Variants in AFAP1 observed in about 807,000 individuals in gnomAD.
AFAP1 encodes the protein actin filament-associated protein 1.
In AFAP1, 75 loss-of-function variants were observed where a neutral mutation model predicts 93.9. That is an observed-to-expected ratio of 0.80 (90% CI 0.66 to 0.97). The LOEUF is 0.97. AFAP1 is among the 50% of genes least tolerant of loss of function. The probability of loss-of-function intolerance (pLI) is 0.00; values close to 1 mark genes in which losing one functional copy is unlikely to be tolerated. For missense variants in AFAP1, 1,201 were observed against 1,050.8 expected (o/e 1.14, Z -1.98); for synonymous variants, 517 against 430.7 (o/e 1.20, Z -2.48).
intron 4 of AFAP1, among the ~76,000 whole-genome samples, chr4:7,846,374 T>G (rs1713701673): frequency 6.6e-6 from 1 of 152,104 alleles, no homozygotes; most frequent in Non-Finnish European, 1.5e-5. Flanking sequence ...AAGGAAACGA[T>G]GGAATATGGA....
chr4:7,814,099 G>A (rs1396888052), intron 8 of AFAP1, among the ~76,000 whole-genome samples: 4 of 152,126 alleles, frequency 2.6e-5, no homozygotes, highest in African/African-American at 9.7e-5. Flanking sequence ...GCCACAGATT[G>A]GGAGACTATA....
chr4:7,922,813 G>T (rs1240382855), intron 1 of AFAP1, among the ~76,000 whole-genome samples: 1 of 152,112 alleles, frequency 6.6e-6, no homozygotes, highest in African/African-American at 2.4e-5. Context: ...GCAAGACCCT[G>T]TCCTTACAAA....
intron 3 of AFAP1, 119 bp from the exon 4 acceptor site, chr4:7,855,693 A>C: frequency 1.2e-6 from 1 of 810,898 alleles, no homozygotes; most frequent in Non-Finnish European, 2.1e-6. Context: ...TCTTCGGCAA[A>C]AGAGAACCTC....
At chr4:7,816,288 A>G (rs976695629) in intron 7 of AFAP1, among the ~76,000 whole-genome samples, 189 bp from the exon 8 acceptor site, 19 of 152,142 alleles carry the variant, frequency 1.2e-4, no homozygotes, top group Non-Finnish European at 2.6e-4. Context: ...CTTTAAAAAC[A>G]TCCAGAGGGG....
intron 6 of AFAP1, among the ~76,000 whole-genome samples, chr4:7,827,443 C>T (rs887066337): frequency 6.6e-6 from 1 of 151,432 alleles, no homozygotes; most frequent in Non-Finnish European, 1.5e-5. Flanking sequence ...TGGTGGCACA[C>T]GCCTGTAATC....
rs149627968 is a variant in AFAP1, at chr4:7,876,281, T to A, written c.-2-4201A>T. ...GCCAAGGTATCTGCCCATCCTCTCC[T>A]CTGAGAACAGCAGCCTCAACCACAA... is the stretch of plus-strand genomic sequence containing the variant. On this transcript the variant is annotated intron_variant, in intron 1 of 17. Coordinates refer to ENST00000420658, the MANE Select transcript of AFAP1 (RefSeq NM_001134647.2). Among the ~76,000 whole-genome samples the A allele has an allele frequency of 4.4e-4, 67 of 152,304 alleles. 1 individual carries two copies. In the East Asian group the frequency reaches 0.012, roughly 28 times the overall value.
At position 7,856,098 on chromosome 4, in the gene AFAP1, G is replaced by A. The variant is rs78593797; in HGVS notation, c.226-524C>T. On this transcript the variant is annotated intron_variant, in intron 3 of 17. Coordinates refer to ENST00000420658, the MANE Select transcript of AFAP1 (RefSeq NM_001134647.2). ...GGTGAGCCACACTGGCTGAGTGCAC[G>A]AGTGAGGCTTGCCCACATTCTCACC... Among the ~76,000 whole-genome samples the A allele has an allele frequency of 9.4e-3, 1,437 of 152,318 alleles. 29 individuals are homozygous for A. The highest frequency in any genetic ancestry group is 0.03 in the African/African-American group (1,227 of 41,566).
intron 7 of AFAP1, among the ~76,000 whole-genome samples, chr4:7,817,632 T>TA (rs1361085127): frequency 8.0e-6 from 1 of 125,358 alleles, no homozygotes; most frequent in Non-Finnish European, 1.7e-5. Flanking sequence ...ACAAAACAAC[T>TA]AATGGGGGGG....
chr4:7,778,423 C>G (rs902720208), intron 14 of AFAP1: 2 of 393,098 alleles, frequency 5.1e-6, no homozygotes, highest in South Asian at 2.4e-5. Flanking sequence ...GCTTGACAAC[C>G]ACAGATCAGG....
At chr4:7,901,802 C>G (rs1719130832) in intron 1 of AFAP1, among the ~76,000 whole-genome samples, 1 of 152,144 alleles carries the variant, frequency 6.6e-6, no homozygotes, top group Non-Finnish European at 1.5e-5. Context: ...TGAACTCAGA[C>G]ACAATTTTTT....
intron 16 of AFAP1, among the ~76,000 whole-genome samples, chr4:7,770,893 G>A (rs1304199159): frequency 6.6e-6 from 1 of 152,190 alleles, no homozygotes; most frequent in African/African-American, 2.4e-5. Context: ...AGGGCTCCAT[G>A]AAGCAAGGGA....
chr4:7,935,406 A>G (rs1560244749), intron 1 of AFAP1, among the ~76,000 whole-genome samples: 1 of 152,242 alleles, frequency 6.6e-6, no homozygotes, highest in Non-Finnish European at 1.5e-5. Context: ...TTTTATTCAT[A>G]CTTATATCCT....
intron 1 of AFAP1, among the ~76,000 whole-genome samples, chr4:7,898,359 A>T (rs1718908071): frequency 6.6e-6 from 1 of 151,854 alleles, no homozygotes; most frequent in Admixed American, 6.6e-5. Context: ...AGTGAGCCAA[A>T]ATCATGCCAT....
At chr4:7,763,877 G>A in intron 17 of AFAP1, 86 bp from the exon 18 acceptor site, 1 of 1,385,200 alleles carries the variant, frequency 7.2e-7, no homozygotes, top group East Asian at 2.5e-5. Flanking sequence ...TCAACTCAGA[G>A]GGGGTGGGTG....
rs1253459045 is a variant in AFAP1, at chr4:7,793,704, A to G, written c.1389T>C (p.Ile463=). ...ACCAGAAGGTCTGTTTGGCTGTCTGAATGACACTTGCAGACATCTCCACAT... is the reference window on the plus strand; with the variant it reads ...ACCAGAAGGTCTGTTTGGCTGTCTGGATGACACTTGCAGACATCTCCACAT... ...YIDVEMSASV[I]QTAKQTFCFM... is the part of the protein sequence containing the mutation. Residue 463 remains isoleucine (I), a synonymous_variant, in exon 11 of 18, where the codon ATT becomes ATC. Coordinates refer to ENST00000420658, the MANE Select transcript of AFAP1 (RefSeq NM_001134647.2). 1 of 1,557,348 alleles carries G rather than the reference A, an allele frequency of 6.4e-7. No individual in the cohort carries two copies. The highest frequency in any genetic ancestry group is 1.7e-5 in the Admixed American group (1 of 59,294).
In AFAP1 at chr4:7,763,511, C is replaced by G; in HGVS notation, c.*254G>C. 2 of 535,658 alleles carry G rather than the reference C, an allele frequency of 3.7e-6. No individual in the cohort carries two copies. Among genetic ancestry groups the G allele is most frequent in the Non-Finnish European group, 6.6e-6 (2 of 303,572 alleles). 33.2% of individuals were successfully genotyped at this position (535,658 alleles called of 1,614,324 possible). Reference sequence around the variant, plus strand: ...CTTCGCCTGATAGCATCCTTTCAAACACCTTTCCATCACTTTTTTTGTTTT... The same window carrying G: ...CTTCGCCTGATAGCATCCTTTCAAAGACCTTTCCATCACTTTTTTTGTTTT... On this transcript the variant is annotated 3_prime_UTR_variant, in exon 18 of 18. Coordinates refer to ENST00000420658, the MANE Select transcript of AFAP1 (RefSeq NM_001134647.2).
At chr4:7,885,456 G>A (rs1478160238) in intron 1 of AFAP1, among the ~76,000 whole-genome samples, 6 of 152,044 alleles carry the variant, frequency 3.9e-5, no homozygotes, top group Non-Finnish European at 8.8e-5. Flanking sequence ...CGTCTCCCCC[G>A]CCTCAGGCCG....
intron 1 of AFAP1, among the ~76,000 whole-genome samples, chr4:7,920,619 A>G (rs1720386238): frequency 6.6e-6 from 1 of 152,264 alleles, no homozygotes; most frequent in Non-Finnish European, 1.5e-5. Context: ...AACTAAACAC[A>G]AAAGACATTC....
intron 14 of AFAP1, chr4:7,778,339 T>C (rs1716368309): frequency 1.1e-5 from 3 of 267,500 alleles, no homozygotes; most frequent in Non-Finnish European, 2.2e-5. Flanking sequence ...ACCTCAGCTA[T>C]TCCAACCGCA....
Sources: gnomAD v4.1 joint callset for allele counts (sites outside exome capture counted in the v4.1 genomes callset) on GRCh38, gnomAD v4.1.1 for gene constraint, MANE v1.5 for transcripts, NCBI Gene and HGNC (gene_info 2026-07-23, HGNC 2026-07-21) for gene names.